Variants in SWAP70 observed in about 807,000 individuals in gnomAD.
SWAP70 encodes the protein switching B cell complex subunit SWAP70, also known as switch-associated protein 70.
SWAP70 carries 34 observed loss-of-function variants against 80.2 expected under a neutral mutation model. The ratio of observed to expected loss-of-function variants is 0.42; its 90% confidence interval spans 0.32 to 0.56. The LOEUF is 0.56. SWAP70 is among the 20% of genes least tolerant of loss of function. The pLI is 0.09. For missense variants in SWAP70, 578 were observed against 690.7 expected, an observed-to-expected ratio of 0.84 and a Z score of 1.83; for synonymous variants, 239 against 238.5, an observed-to-expected ratio of 1.00 and a Z score of -0.02.
chr11:9,740,901 C>T (rs1360685560), intron 9 of SWAP70: 1 of 154,762 alleles, frequency 6.5e-6, no homozygotes, highest in Non-Finnish European at 1.4e-5. Flanking sequence ...GTCATGTTCG[C>T]AGATGAAAAT....
At chr11:9,673,804 T>G (rs909215790) in intron 1 of SWAP70, among the ~76,000 whole-genome samples, 1 of 152,146 alleles carries the variant, frequency 6.6e-6, no homozygotes, top group African/African-American at 2.4e-5. Flanking sequence ...TTCTACGGCC[T>G]GCCTTGGGGA....
intron 1 of SWAP70, among the ~76,000 whole-genome samples, chr11:9,674,805 A>G (rs756474816): frequency 8.6e-5 from 13 of 151,732 alleles, no homozygotes; most frequent in Non-Finnish European, 1.5e-4. Context: ...TCTACCAAAA[A>G]TACAAAAAAA....
At chr11:9,667,145 G>T (rs1001700584) in intron 1 of SWAP70, among the ~76,000 whole-genome samples, 1 of 151,962 alleles carries the variant, frequency 6.6e-6, no homozygotes, top group Non-Finnish European at 1.5e-5. Flanking sequence ...GATTACAGGT[G>T]TGAGCAACTG....
intron 3 of SWAP70, among the ~76,000 whole-genome samples, chr11:9,722,745 A>C (rs1851155991): frequency 6.6e-6 from 1 of 152,208 alleles, no homozygotes; most frequent in Non-Finnish European, 1.5e-5. Flanking sequence ...TAAGAGGGTA[A>C]ACTACTTATA....
chr11:9,747,491 A>G (rs1303439766), intron 9 of SWAP70, among the ~76,000 whole-genome samples: 1 of 152,224 alleles, frequency 6.6e-6, no homozygotes, highest in African/African-American at 2.4e-5. Flanking sequence ...AGTACAGGCC[A>G]CTGAACCTTT....
chr11:9,730,067 C>T (rs528974925), intron 6 of SWAP70, among the ~76,000 whole-genome samples: 2 of 152,238 alleles, frequency 1.3e-5, no homozygotes, highest in South Asian at 4.1e-4. Context: ...AATCATCACT[C>T]GCATAGTTGC....
chr11:9,704,009 A>G (rs939500973), intron 2 of SWAP70, among the ~76,000 whole-genome samples: 11 of 152,206 alleles, frequency 7.2e-5, no homozygotes, highest in Non-Finnish European at 1.5e-4. Context: ...CTATAAAACC[A>G]TTGAGATATA....
At chr11:9,722,253 T>G (rs1851148454) in intron 3 of SWAP70, among the ~76,000 whole-genome samples, 1 of 152,226 alleles carries the variant, frequency 6.6e-6, no homozygotes, top group Non-Finnish European at 1.5e-5. Context: ...TTAGTTAATT[T>G]CAGTTTAGCA....
chr11:9,698,512 C>T lies in SWAP70; in HGVS notation c.240+4226C>T, dbSNP rs566795028. Among the ~76,000 whole-genome samples the T allele has an allele frequency of 1.2e-4, 19 of 152,218 alleles. No homozygotes were observed. The South Asian group carries it at 3.7e-3, about 30-fold the overall frequency. On this transcript the variant is annotated intron_variant, in intron 2 of 11. Transcript: ENST00000318950. ...CTCTGCCTCCCGGGCTCAAGCCATT[C>T]TCCTTCCTCAGCCTCTTGAGTAGCT... is the stretch of plus-strand genomic sequence containing the variant.
chr11:9,675,378 A>C (rs1181324993), intron 1 of SWAP70, among the ~76,000 whole-genome samples: 2,468 of 54,408 alleles, frequency 0.045, 677 homozygotes, highest in South Asian at 0.13. Flanking sequence ...AGAGAGAGAG[A>C]GAGAGAGAGA....
rs114468243 is a variant in SWAP70 at position 9,733,738 on chromosome 11, C to T, written c.1080+1028C>T. Among the ~76,000 whole-genome samples the T allele has an allele frequency of 8.5e-3, 1,291 of 152,216 alleles. 16 individuals carry two copies. The highest frequency in any genetic ancestry group is 0.029 in the African/African-American group (1,221 of 41,506). On this transcript the variant is annotated intron_variant, in intron 7 of 11. Coordinates refer to ENST00000318950, the MANE Select transcript of SWAP70 (RefSeq NM_015055.4). ...TTTAAAGGTTACGCTGAGCACCTGC[C>T]GTATGTGATTGCTGCTGCTTCCTTC...
intron 4 of SWAP70, among the ~76,000 whole-genome samples, chr11:9,726,109 T>C (rs1011802020): frequency 4.6e-5 from 7 of 152,198 alleles, no homozygotes; most frequent in African/African-American, 1.7e-4. Context: ...CTTTCTGTAT[T>C]ATTGGACTTT....
intron 9 of SWAP70, 52 bp from the exon 10 acceptor site, chr11:9,747,806 C>CA: frequency 6.4e-7 from 1 of 1,564,562 alleles, no homozygotes; most frequent in Non-Finnish European, 8.8e-7. Context: ...TCTGCTGGGT[C>CA]AGGGTGGTGA....
At chr11:9,675,316 G>GGAGAGAGAGA (rs1431844077) in intron 1 of SWAP70, among the ~76,000 whole-genome samples, 1 of 34,890 alleles carries the variant, frequency 2.9e-5, no homozygotes, top group Non-Finnish European at 7.7e-5. Flanking sequence ...AAACAGAGAG[G>GGAGAGAGAGA]GAGCGAGAGA....
intron 1 of SWAP70, among the ~76,000 whole-genome samples, chr11:9,676,144 C>T (rs950620625): frequency 5.9e-5 from 9 of 152,138 alleles, no homozygotes; most frequent in Non-Finnish European, 1.5e-5. Context: ...ATGAATAGTC[C>T]TTTCTTAGAA....
At chr11:9,711,147 T>C (rs2572935) in intron 2 of SWAP70, among the ~76,000 whole-genome samples, 49,549 of 151,880 alleles carry the variant, frequency 0.33, 8,335 homozygotes, top group Non-Finnish European at 0.35. Context: ...GTCTCAAACT[T>C]CTAGCCTTAA....
chr11:9,720,997 G>A (rs957139122), intron 3 of SWAP70, among the ~76,000 whole-genome samples: 1 of 152,024 alleles, frequency 6.6e-6, no homozygotes, highest in Non-Finnish European at 1.5e-5. Context: ...TGTATTTTTA[G>A]TAGAGATGGA....
At chr11:9,720,718 T>A (rs1049540524) in intron 3 of SWAP70, among the ~76,000 whole-genome samples, 3 of 152,188 alleles carry the variant, frequency 2.0e-5, no homozygotes, top group Non-Finnish European at 4.4e-5. Flanking sequence ...TGAATTTCTG[T>A]ACCTGTTAAT....
At chr11:9,672,803 T>C (rs1362916482) in intron 1 of SWAP70, among the ~76,000 whole-genome samples, 5 of 152,188 alleles carry the variant, frequency 3.3e-5, no homozygotes, top group Non-Finnish European at 7.3e-5. Context: ...TTTATATACC[T>C]AATTTTTAAC....
Sources: gnomAD v4.1 joint callset for allele counts (sites outside exome capture counted in the v4.1 genomes callset) on GRCh38, gnomAD v4.1.1 for gene constraint, MANE v1.5 for transcripts, NCBI Gene and HGNC (gene_info 2026-07-23, HGNC 2026-07-21) for gene names.